The following PHYH variants were observed in gnomAD, a reference collection of about 807,000 sequenced individuals.
The protein encoded by PHYH is phytanoyl-CoA 2-hydroxylase, also known as phytanoyl-CoA dioxygenase, peroxisomal.
PHYH carries 32 observed loss-of-function variants against 38.5 expected under a neutral mutation model. The ratio of observed to expected loss-of-function variants is 0.83; its 90% CI spans 0.63 to 1.12. The LOEUF (loss-of-function observed/expected upper bound fraction) is 1.12. PHYH is among the 50% of genes most tolerant of loss of function. The probability of loss-of-function intolerance (pLI) is 0.00; values close to 1 mark genes in which losing one functional copy is unlikely to be tolerated. For missense variants in PHYH, 426 were observed against 434.8 expected, an observed-to-expected ratio of 0.98 and a Z score of 0.18; for synonymous variants, 166 against 157.9, an observed-to-expected ratio of 1.05 and a Z score of -0.38.
chr10:13,291,754 C>G, intron 5 of PHYH, 77 bp downstream of exon 5: 1 of 929,954 alleles, frequency 1.1e-6, no homozygotes. Flanking sequence ...GCTGGGATTA[C>G]AGGCATGAGT....
At chr10:13,295,675 C>A in intron 2 of PHYH, 69 bp from the exon 3 acceptor site, 2 of 767,570 alleles carry the variant, frequency 2.6e-6, no homozygotes, top group South Asian at 2.7e-5. Flanking sequence ...ATGGCTCACA[C>A]CTCTAATACT....
At chr10:13,286,180 T>TTTCAC in intron 6 of PHYH, among the ~76,000 whole-genome samples, 1 of 152,210 alleles carries the variant, frequency 6.6e-6, no homozygotes, top group Admixed American at 6.6e-5. Context: ...CACAGGGTCT[T>TTTCAC]TTCACCTTAG....
intron 1 of PHYH, chr10:13,299,597 G>A (rs757309068): frequency 3.4e-4 from 351 of 1,038,042 alleles, no homozygotes; most frequent in Non-Finnish European, 3.8e-4. Context: ...GCAGCCCTGC[G>A]CGCCTGTGCA....
At chr10:13,290,540 C>T (rs567434159) in intron 5 of PHYH, among the ~76,000 whole-genome samples, 2 of 151,784 alleles carry the variant, frequency 1.3e-5, no homozygotes, top group Admixed American at 1.3e-4. Flanking sequence ...TAGGGGGACT[C>T]TCTCATGGCT....
At chr10:13,283,254 C>T (rs113477717) in intron 7 of PHYH, among the ~76,000 whole-genome samples, 23,659 of 151,574 alleles carry the variant, frequency 0.16, 1,932 homozygotes, top group African/African-American at 0.2. Flanking sequence ...CTCAGCCTCC[C>T]GAGTAGCTGG....
At chr10:13,279,034 TG>T in intron 8 of PHYH, among the ~76,000 whole-genome samples, 1 of 151,068 alleles carries the variant, frequency 6.6e-6, no homozygotes, top group East Asian at 2.0e-4. Context: ...ATTTTGCTCT[TG>T]TTGCCCAGGC....
At chr10:13,299,576 G>T in intron 1 of PHYH, 1 of 1,025,226 alleles carries the variant, frequency 9.8e-7, no homozygotes, top group Non-Finnish European at 1.2e-6. Flanking sequence ...GCCTGCCTGG[G>T]CCGGTTCCAG....
chr10:13,295,024 G>A (rs1835807750), intron 3 of PHYH: 1 of 312,022 alleles, frequency 3.2e-6, no homozygotes, highest in African/African-American at 2.2e-5. Flanking sequence ...ATTGCCCCAG[G>A]ACACATGATA....
chr10:13,298,718 C>CACTACTACTACTACT (rs56043624), intron 1 of PHYH, among the ~76,000 whole-genome samples: 4,375 of 93,346 alleles, frequency 0.047, 159 homozygotes, highest in Non-Finnish European at 0.051. Flanking sequence ...AAACTACCAC[C>CACTACTACTACTACT]ACTACTACTA....
At chr10:13,288,297 C>T in intron 6 of PHYH, 63 bp downstream of exon 6, 1 of 1,397,120 alleles carries the variant, frequency 7.2e-7, no homozygotes, top group Non-Finnish European at 1.0e-6. Context: ...TTTAGAGGTA[C>T]TGATGTGAAA....
chr10:13,298,648 CTGAG>C (rs1466060704), intron 1 of PHYH, among the ~76,000 whole-genome samples: 5 of 151,598 alleles, frequency 3.3e-5, no homozygotes, highest in Middle Eastern at 3.4e-3. Context: ...TTGCAGTGAG[CTGAG>C]ATCAGGCCAC....
chr10:13,286,594 G>C (rs1018195571), intron 6 of PHYH, among the ~76,000 whole-genome samples: 1 of 151,708 alleles, frequency 6.6e-6, no homozygotes, highest in Non-Finnish European at 1.5e-5. Flanking sequence ...CCAGCTACTC[G>C]GGAGGCTGAG....
rs1203997089 is a variant in PHYH at position 13,299,974 on chromosome 10, C to T, written c.69G>A (p.Gly23=). Residue 23 remains glycine (G), a synonymous_variant, in exon 1 of 9, where the codon GGG becomes GGA. Transcript: ENST00000263038. The part of the protein sequence containing the change: ...VLGHLGRPSA[G]AVVAHPTSGT... ...CGCGCAGCCCAAAGGATACGACAGC[C>T]CCGGCCGAGGGGCGGCCGAGGTGGC... is the stretch of plus-strand genomic sequence containing the variant. 6.8e-5 allele frequency: 104 copies of T among 1,530,698 alleles called. No homozygotes were observed. Among genetic ancestry groups the T allele is most frequent in the Non-Finnish European group, 9.0e-5 (103 of 1,143,980 alleles). The allele number at this position is 1,530,698 out of a possible 1,614,324, so 94.8% of individuals were successfully genotyped here.
chr10:13,293,983 C>T (rs910706405), intron 4 of PHYH, among the ~76,000 whole-genome samples: 1 of 151,950 alleles, frequency 6.6e-6, no homozygotes, highest in Admixed American at 6.6e-5. Context: ...GTGGGTGGAT[C>T]ACGAGGTCAG....
rs759632366 is a variant in PHYH, at chr10:13,294,437, A to C, written c.405T>G (p.Thr135=). 46 of 1,613,946 alleles carry C rather than the reference A, an allele frequency of 2.9e-5. No homozygotes were observed. Among genetic ancestry groups the C allele is most frequent in the Non-Finnish European group, 3.8e-5 (45 of 1,179,992 alleles). The change falls in exon 4 of 9, where the codon ACT becomes ACG. Residue 135 remains threonine (T), a synonymous_variant. Coordinates refer to ENST00000263038, the MANE Select transcript of PHYH (RefSeq NM_006214.4). ...AAGGGTGGTCTCTGACCTCGGGGAG[A>C]GTGCAGTATCTGAAGAGCTCCTTAT... The part of the protein sequence containing the change: ...QEDKELFRYC[T]LPEILKYVEC...
chr10:13,288,620 T>C (rs1302669746), intron 5 of PHYH, 79 bp from the exon 6 acceptor site: 1 of 1,393,860 alleles, frequency 7.2e-7, no homozygotes, highest in East Asian at 2.3e-5. Flanking sequence ...CACTTTGGGA[T>C]ATAAAAATAT....
At chr10:13,284,740 G>C (rs976264823) in intron 6 of PHYH, among the ~76,000 whole-genome samples, 9 of 152,192 alleles carry the variant, frequency 5.9e-5, no homozygotes, top group African/African-American at 2.2e-4. Flanking sequence ...TGCTACTTTA[G>C]GTAATGCGGT....
At chr10:13,282,360 G>A (rs1835432159) in intron 7 of PHYH, among the ~76,000 whole-genome samples, 2 of 152,286 alleles carry the variant, frequency 1.3e-5, no homozygotes, top group South Asian at 2.1e-4. Flanking sequence ...GGAGGCCAAG[G>A]TGAGACGATC....
chr10:13,296,105 T>C (rs548908052), intron 2 of PHYH, among the ~76,000 whole-genome samples: 3 of 148,588 alleles, frequency 2.0e-5, no homozygotes, highest in Non-Finnish European at 3.0e-5. Flanking sequence ...GAGGCGGAGG[T>C]TGCAGTGAGC....
Sources: allele counts gnomAD v4.1 joint callset (sites outside exome capture counted in the v4.1 genomes callset), GRCh38; gene constraint gnomAD v4.1.1; transcripts MANE v1.5; gene names NCBI Gene and HGNC (gene_info 2026-07-23, HGNC 2026-07-21).